Variants in DENND4C observed in about 807,000 individuals in gnomAD.
The protein encoded by DENND4C is DENN domain containing 4C.
In DENND4C, 108 loss-of-function variants were observed where a neutral mutation model predicts 203.0. That is an observed-to-expected ratio of 0.53 (90% CI 0.46 to 0.62). The LOEUF (loss-of-function observed/expected upper bound fraction) is 0.62, where lower values mean the gene tolerates loss of function less well. Ranked by LOEUF, DENND4C falls within the 20% of genes least tolerant of loss-of-function variation. The pLI is 0.00. For missense variants in DENND4C, 2,481 were observed against 2,301.2 expected (o/e 1.08, Z -1.60); for synonymous variants, 871 against 792.4 (o/e 1.10, Z -1.67).
chr9:19,349,201 G>A (rs1456828843), intron 23 of DENND4C, among the ~76,000 whole-genome samples: 2 of 152,290 alleles, frequency 1.3e-5, no homozygotes, highest in Admixed American at 1.3e-4. Context: ...GAGCCCAGGA[G>A]TTTGAGCCTA....
chr9:19,297,491 C>CT (rs1328868693), intron 6 of DENND4C, among the ~76,000 whole-genome samples: 1 of 152,004 alleles, frequency 6.6e-6, no homozygotes, highest in African/African-American at 2.4e-5. Context: ...AGTTAGCAAC[C>CT]TTTTGAAAAA....
intron 2 of DENND4C, among the ~76,000 whole-genome samples, chr9:19,277,162 T>G (rs1180289511): frequency 1.3e-5 from 2 of 152,130 alleles, no homozygotes. Context: ...TTACCATTAC[T>G]AAAATATAGA....
intron 17 of DENND4C, among the ~76,000 whole-genome samples, chr9:19,334,452 C>A (rs117966096): frequency 6.6e-6 from 1 of 151,242 alleles, no homozygotes; most frequent in Non-Finnish European, 1.5e-5. Flanking sequence ...AACATGGACA[C>A]ATATGTCTTA....
intron 1 of DENND4C, among the ~76,000 whole-genome samples, chr9:19,268,088 TG>T (rs1830874021): frequency 1.4e-5 from 2 of 140,938 alleles, no homozygotes; most frequent in Non-Finnish European, 3.1e-5. Context: ...GTGTATGTGT[TG>T]TAGGTTTTTG....
intron 17 of DENND4C, 109 bp downstream of exon 17, chr9:19,332,293 A>T: frequency 1.2e-6 from 1 of 828,740 alleles, no homozygotes; most frequent in Non-Finnish European, 1.9e-6. Context: ...TTCATTAAGC[A>T]GGAAAGGTAA....
intron 1 of DENND4C, among the ~76,000 whole-genome samples, chr9:19,231,118 G>C (rs1289818508): frequency 6.6e-6 from 1 of 152,232 alleles, no homozygotes; most frequent in African/African-American, 2.4e-5. Flanking sequence ...CCGGGCCCAT[G>C]AGAATCGTTT....
intron 1 of DENND4C, among the ~76,000 whole-genome samples, chr9:19,232,620 G>A (rs1820860733): frequency 6.6e-6 from 1 of 152,204 alleles, no homozygotes; most frequent in Admixed American, 6.5e-5. Context: ...GTATTTTGTA[G>A]TATAAACTTA....
In DENND4C at chr9:19,300,111, T is replaced by A; in HGVS notation, c.1167-76T>A. The A allele has an allele frequency of 5.7e-6, 8 of 1,397,228 alleles. No individual in the cohort carries two copies. In the South Asian group the frequency reaches 1.3e-4, roughly 23 times the overall value. 86.6% of individuals were successfully genotyped at this position (1,397,228 alleles called of 1,614,324 possible). On this transcript the variant is annotated intron_variant, in intron 8 of 32. Coordinates refer to ENST00000434457, the MANE Select transcript of DENND4C (RefSeq NM_001330640.2). ...TAACACTAGACTCTCAATCTGTTGA[T>A]ACTTTAATAAGCAAATCTTAACATA...
chr9:19,294,975 A>G (rs1052869656), intron 5 of DENND4C, among the ~76,000 whole-genome samples: 1 of 152,218 alleles, frequency 6.6e-6, no homozygotes, highest in Non-Finnish European at 1.5e-5. Context: ...GAATAGTGCT[A>G]CTGGGTGCAC....
At chr9:19,311,786 T>G (rs1319231071) in intron 10 of DENND4C, among the ~76,000 whole-genome samples, 1 of 152,074 alleles carries the variant, frequency 6.6e-6, no homozygotes, top group Non-Finnish European at 1.5e-5. Context: ...TAGCATGCTA[T>G]TTGAGGATGA....
Position 19,358,951 on chromosome 9 carries a change from A to G in DENND4C, c.5160+791A>G, listed in dbSNP as rs1223464108. ...GGAGACATAAACATTAGTAGCTATTAATGCCTTAATGCCTAGATAAAGTAA... is the reference window on the plus strand; with the variant it reads ...GGAGACATAAACATTAGTAGCTATTGATGCCTTAATGCCTAGATAAAGTAA... On this transcript the variant is annotated intron_variant, in intron 28 of 32. Transcript: ENST00000434457. The surrounding 1 kb of genome is among the most constrained non-coding windows in gnomAD (Gnocchi z 4.8). 6.6e-6 allele frequency among the ~76,000 whole-genome samples: 1 copy of G among 151,824 alleles called. No individual in the cohort carries two copies. The highest frequency in any genetic ancestry group is 1.5e-5 in the Non-Finnish European group (1 of 68,030).
intron 16 of DENND4C, 109 bp downstream of exon 16, chr9:19,328,271 A>T: frequency 1.8e-6 from 2 of 1,112,738 alleles, no homozygotes; most frequent in South Asian, 1.8e-5. Flanking sequence ...TTGAAGACTC[A>T]CTTTGGTTGT....
intron 1 of DENND4C, among the ~76,000 whole-genome samples, chr9:19,265,996 G>C (rs1404779753): frequency 6.6e-6 from 1 of 152,126 alleles, no homozygotes; most frequent in Admixed American, 6.6e-5. Flanking sequence ...GGGTCAAATG[G>C]TATTTCTAGT....
At chr9:19,322,245 T>C (rs1842999842) in intron 12 of DENND4C, among the ~76,000 whole-genome samples, 1 of 152,140 alleles carries the variant, frequency 6.6e-6, no homozygotes, top group African/African-American at 2.4e-5. Flanking sequence ...TGTGGAACTT[T>C]TTTTCCCCTT....
chr9:19,350,969 C>G lies in DENND4C; in HGVS notation c.4495+90C>G. The G allele has an allele frequency of 3.7e-6, 5 of 1,365,900 alleles. No homozygotes were observed. The South Asian group carries it at 6.2e-5, about 17-fold the overall frequency. The allele number at this position is 1,365,900 out of a possible 1,614,324, so 84.6% of individuals were successfully genotyped here. A position where few individuals can be genotyped will look rare whatever the true frequency, so the allele number is the denominator to read the frequency against. Reference sequence around the variant, plus strand: ...TAAGAGACGGGGTTTTGTCTTGTTGCCCAGGCTGGTCTCGAACTCCTGGGC... The same window carrying G: ...TAAGAGACGGGGTTTTGTCTTGTTGGCCAGGCTGGTCTCGAACTCCTGGGC... On this transcript the variant is annotated intron_variant, in intron 24 of 32. Transcript: ENST00000434457.
chr9:19,360,170 A>T, intron 28 of DENND4C, 74 bp from the exon 29 acceptor site: 1 of 1,434,648 alleles, frequency 7.0e-7, no homozygotes, highest in Middle Eastern at 1.8e-4. Context: ...GAGAGGCATT[A>T]TCTCATTGAG....
rs1051145498 is a variant in DENND4C, at chr9:19,316,446, A to T, written c.1517A>T (p.Lys506Met). ...GATGAAAAGAAGAACATGAACTGGA[A>T]GCAACTTCCCAAAAAGCCGTGCAAA... ...VSDEKKNMNW[K>M]QLPKKPCKNL... The change falls in exon 11 of 33, where the codon AAG becomes ATG. Residue 506 changes from lysine to methionine, a missense_variant. Transcript: ENST00000434457. 3.5e-5 allele frequency: 57 copies of T among 1,613,746 alleles called. No individual in the cohort carries two copies. Among genetic ancestry groups the T allele is most frequent in the Non-Finnish European group, 4.8e-5 (57 of 1,179,916 alleles).
At chr9:19,324,650 C>G (rs1843428175) in intron 13 of DENND4C, 143 bp downstream of exon 13, 2 of 812,134 alleles carry the variant, frequency 2.5e-6, no homozygotes, top group Admixed American at 6.1e-5. Context: ...CGATTCTGGG[C>G]TGAATATATG....
rs1824376130 is a variant in DENND4C, at chr9:19,352,470, C to G, written c.4606-20C>G. 4 of 1,544,300 alleles carry G rather than the reference C, an allele frequency of 2.6e-6. No individual in the cohort carries two copies. The highest frequency in any genetic ancestry group is 2.0e-5 in the Admixed American group (1 of 49,862). ...AATTTTTATTAAACGTTCTCAGTGT[C>G]TGCATTTTTCTGTTTTTAGGTTTTG... On this transcript the variant is annotated intron_variant, in intron 25 of 32. Coordinates refer to ENST00000434457, the MANE Select transcript of DENND4C (RefSeq NM_001330640.2).
Sources: gnomAD v4.1 joint callset for allele counts (sites outside exome capture counted in the v4.1 genomes callset) on GRCh38, gnomAD v4.1.1 for gene constraint, Gnocchi (gnomAD v3.1) non-coding constraint, MANE v1.5 for transcripts, NCBI Gene and HGNC (gene_info 2026-07-23, HGNC 2026-07-21) for gene names.